SLC30A7: variants seen among roughly 807,000 people sequenced by gnomAD.
SLC30A7 encodes zinc transporter 7.
SLC30A7 carries 35 observed loss-of-function variants against 46.0 expected under a neutral mutation model. The ratio of observed to expected loss-of-function variants is 0.76; its 90% CI spans 0.58 to 1.01. The LOEUF (loss-of-function observed/expected upper bound fraction) is 1.01. SLC30A7 is among the 50% of genes least tolerant of loss of function. The probability of loss-of-function intolerance (pLI) is 0.00; values close to 1 mark genes in which losing one functional copy is unlikely to be tolerated. For missense variants in SLC30A7, 464 were observed against 451.1 expected (o/e 1.03, Z -0.26); for synonymous variants, 147 against 157.8 (o/e 0.93, Z 0.51).
intron 6 of SLC30A7, among the ~76,000 whole-genome samples, chr1:100,915,751 A>C (rs373386801): frequency 6.6e-6 from 1 of 152,208 alleles, no homozygotes; most frequent in East Asian, 1.9e-4. Context: ...GGAAGTGCAG[A>C]TATCTCTTTG....
intron 2 of SLC30A7, among the ~76,000 whole-genome samples, chr1:100,897,692 A>G (rs976252982): frequency 2.0e-5 from 3 of 152,222 alleles, no homozygotes; most frequent in Non-Finnish European, 4.4e-5. Flanking sequence ...GTATACTTTT[A>G]TATAATGCTT....
chr1:100,970,019 T>C (rs1290524797), intron 10 of SLC30A7, among the ~76,000 whole-genome samples: 1 of 152,176 alleles, frequency 6.6e-6, no homozygotes, highest in African/African-American at 2.4e-5. Flanking sequence ...AAAATTTTGA[T>C]CTTAAATTAC....
At chr1:100,919,228 T>C (rs1486485338) in intron 7 of SLC30A7, among the ~76,000 whole-genome samples, 1 of 152,176 alleles carries the variant, frequency 6.6e-6, no homozygotes, top group Non-Finnish European at 1.5e-5. Context: ...TTTTTTGTTT[T>C]GTTTTGTTTT....
intron 8 of SLC30A7, among the ~76,000 whole-genome samples, chr1:100,933,183 C>T (rs537706013): frequency 4.6e-5 from 7 of 151,744 alleles, no homozygotes; most frequent in African/African-American, 1.4e-4. Context: ...ACCATGTTGG[C>T]CAGGATGGTC....
chr1:100,906,718 C>CTA (rs765917770), intron 2 of SLC30A7, 134 bp from the exon 3 acceptor site: 4 of 605,534 alleles, frequency 6.6e-6, no homozygotes, highest in Non-Finnish European at 1.2e-5. Context: ...TCAAAGCTAT[C>CTA]TATATAGCAT....
At chr1:100,969,045 A>G (rs946676385) in intron 10 of SLC30A7, among the ~76,000 whole-genome samples, 1 of 152,212 alleles carries the variant, frequency 6.6e-6, no homozygotes, top group African/African-American at 2.4e-5. Context: ...TAATGAAATA[A>G]TCTTACGTAT....
At chr1:100,927,143 T>C (rs1037883673) in intron 8 of SLC30A7, among the ~76,000 whole-genome samples, 7 of 151,970 alleles carry the variant, frequency 4.6e-5, no homozygotes, top group African/African-American at 1.7e-4. Context: ...AGGGAGCAGG[T>C]TGGGGTGGAA....
chr1:100,961,999 C>T (rs1348021230), intron 9 of SLC30A7, 81 bp downstream of exon 9: 1 of 791,212 alleles, frequency 1.3e-6, no homozygotes, highest in African/African-American at 1.8e-5. Flanking sequence ...ATATGGGTAA[C>T]ATGTGTGTAT....
At chr1:100,992,779 G>A in the SLC30A7 span, 1 of 1,381,130 alleles carries the variant, frequency 7.2e-7, no homozygotes, top group Non-Finnish European at 1.0e-6. Context: ...TCTTAGCCAT[G>A]AAACTACATA....
chr1:100,915,240 T>TCTTG (rs1287034946), intron 6 of SLC30A7, among the ~76,000 whole-genome samples: 1 of 146,476 alleles, frequency 6.8e-6, no homozygotes. Context: ...TTTCTTTCTT[T>TCTTG]CTTTCTTTCT....
intron 8 of SLC30A7, among the ~76,000 whole-genome samples, chr1:100,936,314 C>A (rs1653964670): frequency 6.6e-6 from 1 of 152,112 alleles, no homozygotes; most frequent in Admixed American, 6.5e-5. Context: ...ATATTTTATT[C>A]TCTTATAACT....
intron 9 of SLC30A7, among the ~76,000 whole-genome samples, chr1:100,964,780 T>A (rs1278472252): frequency 6.6e-6 from 1 of 152,172 alleles, no homozygotes; most frequent in South Asian, 2.1e-4. Context: ...TAAGGCCTCA[T>A]CCATGAGGAT....
At chr1:100,952,614 A>G (rs1655017672) in intron 8 of SLC30A7, among the ~76,000 whole-genome samples, 1 of 151,860 alleles carries the variant, frequency 6.6e-6, no homozygotes, top group African/African-American at 2.4e-5. Flanking sequence ...AAAAAAACAA[A>G]GAGATATAGT....
intron 2 of SLC30A7, among the ~76,000 whole-genome samples, chr1:100,901,963 A>C (rs200841097): frequency 8.4e-4 from 128 of 152,158 alleles, no homozygotes; most frequent in Non-Finnish European, 1.6e-3. Context: ...GGAAATTTAT[A>C]GTTTAAATTT....
chr1:100,986,863 G>T, the SLC30A7 span, among the ~76,000 whole-genome samples: 2 of 152,148 alleles, frequency 1.3e-5, no homozygotes, highest in African/African-American at 4.8e-5. Flanking sequence ...TTCACTACAT[G>T]ATAATTTTAA....
Position 100,896,551 on chromosome 1 carries a change from C to T in SLC30A7, c.81-19C>T, listed in dbSNP as rs1285052193. Reference sequence around the variant, plus strand: ...CCTCCTTAACTCTCCCGGCTCTTTTCCACGTGTATCATTCCCAGGTCTATA... The same window carrying T: ...CCTCCTTAACTCTCCCGGCTCTTTTTCACGTGTATCATTCCCAGGTCTATA... On this transcript the variant is annotated intron_variant, in intron 1 of 10. Transcript: ENST00000357650. The T allele has an allele frequency of 6.2e-7, 1 of 1,609,128 alleles. No homozygotes were observed. The highest frequency in any genetic ancestry group is 8.5e-7 in the Non-Finnish European group (1 of 1,175,876).
intron 8 of SLC30A7, among the ~76,000 whole-genome samples, chr1:100,934,068 C>T (rs1482294104): frequency 6.6e-6 from 1 of 152,148 alleles, no homozygotes; most frequent in East Asian, 1.9e-4. Context: ...TATCATTGTG[C>T]TTGGTGCACA....
the SLC30A7 span, chr1:100,992,709 T>C: frequency 1.2e-6 from 2 of 1,613,890 alleles, no homozygotes; most frequent in South Asian, 1.1e-5. Flanking sequence ...TTTACACTCA[T>C]ATACCGTGGA....
chr1:100,917,969 A>G (rs571899175), intron 6 of SLC30A7, 108 bp from the exon 7 acceptor site: 291 of 778,824 alleles, frequency 3.7e-4, no homozygotes, highest in Middle Eastern at 9.0e-4. Context: ...TGATATGGCT[A>G]TATAGCCATG....
Sources: gnomAD v4.1 joint callset for allele counts (sites outside exome capture counted in the v4.1 genomes callset) on GRCh38, gnomAD v4.1.1 for gene constraint, MANE v1.5 for transcripts, NCBI Gene and HGNC (gene_info 2026-07-23, HGNC 2026-07-21) for gene names.